Variants in VAV2 observed in about 807,000 individuals in gnomAD.
The protein encoded by VAV2 is guanine nucleotide exchange factor VAV2.
In VAV2, 67 loss-of-function variants were observed where a neutral mutation model predicts 132.5. The ratio of observed to expected loss-of-function variants is 0.51; its 90% confidence interval spans 0.42 to 0.62. The LOEUF is 0.62. Among genes scored for constraint, VAV2 ranks in the 20% least tolerant of loss-of-function variants. VAV2 has a pLI of 0.00. For synonymous variants in VAV2, 492 were observed against 443.5 expected (o/e 1.11, Z -1.37); for missense variants, 938 against 1,153.6 (o/e 0.81, Z 2.71).
rs1834777325 is a variant in VAV2 at position 133,797,773 on chromosome 9, C to T, written c.873G>A (p.Glu291=). 6.2e-7 allele frequency: 1 copy of T among 1,614,112 alleles called. No individual in the cohort carries two copies. Among genetic ancestry groups the T allele is most frequent in the African/African-American group, 1.3e-5 (1 of 75,058 alleles). The change falls in exon 10 of 30, where the codon GAG becomes GAA. Residue 291 remains glutamate (E), a synonymous_variant. Transcript: ENST00000371850. The part of the protein sequence containing the change: ...LIYGEYCSHM[E]HAQNTLNQLL... ...GCTGGTTCAGTGTGTTCTGGGCGTG[C>T]TCCATGTGGCTGCAGTACTCCCCGT...
Position 133,804,287 on chromosome 9 carries a change from C to T in VAV2, c.836+1794G>A, listed in dbSNP as rs1835051004. ...TGATGAAACGCTGACAGCCCCTTCC[C>T]CAAACAGACCCCGACTGACGGATCT... is the stretch of plus-strand genomic sequence containing the variant. On this transcript the variant is annotated intron_variant, in intron 9 of 29. Coordinates refer to ENST00000371850, the MANE Select transcript of VAV2 (RefSeq NM_001134398.2). This position sits in a 1 kb window ranked among gnomAD's most constrained non-coding sequence, Gnocchi z 4.5. 1.3e-5 allele frequency among the ~76,000 whole-genome samples: 2 copies of T among 152,364 alleles called. No individual in the cohort carries two copies. Among genetic ancestry groups the T allele is most frequent in the Non-Finnish European group, 1.5e-5 (1 of 68,034 alleles).
At chr9:133,985,198 T>TGA (rs1322922916) in intron 1 of VAV2, among the ~76,000 whole-genome samples, 2 of 151,246 alleles carry the variant, frequency 1.3e-5, no homozygotes, top group Non-Finnish European at 2.9e-5. Context: ...CCAGCAGCAC[T>TGA]GAGCACACCT....
chr9:133,780,476 C>T (rs55795819), intron 20 of VAV2, among the ~76,000 whole-genome samples: 5 of 152,108 alleles, frequency 3.3e-5, no homozygotes, highest in East Asian at 1.9e-4. Context: ...GGGAATGAGG[C>T]GGGCAGCTGG....
intron 1 of VAV2, among the ~76,000 whole-genome samples, chr9:133,944,518 G>C (rs1841290795): frequency 1.3e-5 from 2 of 152,218 alleles, no homozygotes; most frequent in African/African-American, 2.4e-5. Flanking sequence ...CCACAGGCAG[G>C]GAGGATGCTG....
At chr9:133,970,469 G>A (rs548719220) in intron 1 of VAV2, among the ~76,000 whole-genome samples, 35 of 152,242 alleles carry the variant, frequency 2.3e-4, no homozygotes, top group Non-Finnish European at 4.3e-4. Flanking sequence ...CCCACAGCCC[G>A]TTCTACAGAG....
chr9:133,819,789 T>C (rs1354240043), intron 4 of VAV2, among the ~76,000 whole-genome samples: 1 of 152,202 alleles, frequency 6.6e-6, no homozygotes, highest in Admixed American at 6.6e-5. Context: ...TGGGTTCCTC[T>C]GTGTCATTTG....
At chr9:133,776,465 G>C (rs1182275021) in intron 23 of VAV2, among the ~76,000 whole-genome samples, 1 of 152,152 alleles carries the variant, frequency 6.6e-6, no homozygotes, top group Non-Finnish European at 1.5e-5. Flanking sequence ...GCCACACTCA[G>C]GCAGGTGCTG....
Position 133,912,478 on chromosome 9 carries a change from G to A in VAV2, c.321+26625C>T, listed in dbSNP as rs940017274. On this transcript the variant is annotated intron_variant, in intron 2 of 29. Transcript: ENST00000371850. The surrounding 1 kb of genome is among the most constrained non-coding windows in gnomAD (Gnocchi z 4.3). The stretch of plus-strand genomic sequence containing the variant: ...TCCATCTGTACCCCAACATGTCAGG[G>A]TATATCAACACCCATATGTCACTGG... 1.3e-5 allele frequency among the ~76,000 whole-genome samples: 2 copies of A among 152,122 alleles called. No individual in the cohort carries two copies. Among genetic ancestry groups the A allele is most frequent in the Non-Finnish European group, 2.9e-5 (2 of 68,026 alleles).
chr9:133,909,159 T>C (rs766532750), intron 2 of VAV2, among the ~76,000 whole-genome samples: 2 of 151,532 alleles, frequency 1.3e-5, no homozygotes, highest in Non-Finnish European at 2.9e-5. Context: ...TTGATGAAGA[T>C]GGTTATTGAC....
intron 2 of VAV2, among the ~76,000 whole-genome samples, chr9:133,878,141 C>T (rs534705415): frequency 2.6e-5 from 4 of 152,340 alleles, no homozygotes; most frequent in African/African-American, 9.6e-5. Flanking sequence ...CTGAGCTCAG[C>T]ACTCTCCGCC....
chr9:133,831,622 T>C (rs1479005873), intron 4 of VAV2, among the ~76,000 whole-genome samples: 1 of 152,114 alleles, frequency 6.6e-6, no homozygotes, highest in African/African-American at 2.4e-5. Flanking sequence ...GGAGTGGGCA[T>C]TTCATGTCAG....
rs550266833 is a variant in VAV2, at chr9:133,890,715, G to A, written c.322-29283C>T. ...GTCATGCACTTAAAAGGAAACAGCTGCCTCCCCTGCTTCTTTCCTGCTGCA... is the reference window on the plus strand; with the variant it reads ...GTCATGCACTTAAAAGGAAACAGCTACCTCCCCTGCTTCTTTCCTGCTGCA... On this transcript the variant is annotated intron_variant, in intron 2 of 29. Coordinates refer to ENST00000371850, the MANE Select transcript of VAV2 (RefSeq NM_001134398.2). Among the ~76,000 whole-genome samples, 3 of 152,312 alleles carry A rather than the reference G, an allele frequency of 2.0e-5. No homozygotes were observed. In the East Asian group the frequency reaches 5.8e-4, roughly 29 times the overall value.
intron 1 of VAV2, among the ~76,000 whole-genome samples, chr9:133,947,020 A>C (rs911882479): frequency 6.6e-6 from 1 of 152,142 alleles, no homozygotes; most frequent in Non-Finnish European, 1.5e-5. Flanking sequence ...TGAACAAATG[A>C]ATGAATGTCT....
chr9:133,837,592 G>A (rs989493814), intron 3 of VAV2, among the ~76,000 whole-genome samples: 1 of 151,384 alleles, frequency 6.6e-6, no homozygotes, highest in Admixed American at 6.6e-5. Context: ...CCAGCTACTC[G>A]GGAAGCTGAG....
intron 1 of VAV2, among the ~76,000 whole-genome samples, chr9:133,942,933 C>T (rs1468430059): frequency 6.6e-6 from 1 of 152,224 alleles, no homozygotes; most frequent in Non-Finnish European, 1.5e-5. Context: ...GGGGCCACGT[C>T]AGGCTCCACC....
In VAV2 at chr9:133,879,927, C is replaced by G. The variant is rs1359570669; in HGVS notation, c.322-18495G>C. ...TGCTTAATCCTGGCCCATCAAGGGA[C>G]TTCCCAAAATGGCCACTTTATGGAT... is the stretch of plus-strand genomic sequence containing the variant. On this transcript the variant is annotated intron_variant, in intron 2 of 29. Coordinates refer to ENST00000371850, the MANE Select transcript of VAV2 (RefSeq NM_001134398.2). This position sits in a 1 kb window ranked among gnomAD's most constrained non-coding sequence, Gnocchi z 4.4. 6.6e-6 allele frequency among the ~76,000 whole-genome samples: 1 copy of G among 152,224 alleles called. No individual in the cohort carries two copies. Among genetic ancestry groups the G allele is most frequent in the Non-Finnish European group, 1.5e-5 (1 of 68,042 alleles).
intron 19 of VAV2, among the ~76,000 whole-genome samples, chr9:133,782,206 T>A (rs1357752950): frequency 6.6e-6 from 1 of 152,168 alleles, no homozygotes; most frequent in Non-Finnish European, 1.5e-5. Context: ...TCACGGGTGA[T>A]ACTTTCTTTA....
intron 2 of VAV2, among the ~76,000 whole-genome samples, chr9:133,934,844 G>A (rs994600708): frequency 5.3e-5 from 8 of 152,180 alleles, no homozygotes; most frequent in African/African-American, 1.9e-4. Flanking sequence ...GCCTCTACCC[G>A]GCTGCTTCTG....
At chr9:133,892,179 G>C (rs1317625612) in intron 2 of VAV2, among the ~76,000 whole-genome samples, 1 of 138,266 alleles carries the variant, frequency 7.2e-6, no homozygotes, top group African/African-American at 2.8e-5. Flanking sequence ...GTGCAGGGGA[G>C]GGGTAGAGGG....
Sources: allele counts gnomAD v4.1 joint callset (sites outside exome capture counted in the v4.1 genomes callset), GRCh38; gene constraint gnomAD v4.1.1; non-coding constraint Gnocchi (gnomAD v3.1); transcripts MANE v1.5; gene names NCBI Gene and HGNC (gene_info 2026-07-23, HGNC 2026-07-21).